CLPTM1: variants seen among roughly 807,000 people sequenced by gnomAD.
CLPTM1 encodes the protein putative lipid scramblase CLPTM1.
In CLPTM1, 21 loss-of-function variants were observed where a neutral mutation model predicts 77.3. The observed-to-expected ratio is 0.27, with a 90% CI of 0.19 to 0.39. CLPTM1 has a LOEUF of 0.39. Among genes scored for constraint, CLPTM1 ranks in the 10% least tolerant of loss-of-function variants. The probability of loss-of-function intolerance (pLI) is 1.00; values close to 1 mark genes in which losing one functional copy is unlikely to be tolerated. For synonymous variants in CLPTM1, 373 were observed against 381.0 expected (o/e 0.98, Z 0.24); for missense variants, 642 against 921.2 (o/e 0.70, Z 3.92).
At chr19:44,959,585 C>T (rs925736189) in intron 1 of CLPTM1, among the ~76,000 whole-genome samples, 1 of 152,178 alleles carries the variant, frequency 6.6e-6, no homozygotes, top group African/African-American at 2.4e-5. Context: ...AACTCCTGGG[C>T]TCAAGCAGTC....
At chr19:44,973,309 G>A in intron 3 of CLPTM1, 99 bp downstream of exon 3, 1 of 1,527,038 alleles carries the variant, frequency 6.5e-7, no homozygotes, top group Admixed American at 2.0e-5. Flanking sequence ...CCAGGTCCTT[G>A]CTCACTGGCA....
chr19:44,962,054 T>C lies in CLPTM1; in HGVS notation c.164T>C (p.Val55Ala). 1 of 1,609,160 alleles carries C rather than the reference T, an allele frequency of 6.2e-7. No individual in the cohort carries two copies. The highest frequency in any genetic ancestry group is 1.7e-4 in the Middle Eastern group (1 of 6,040). Reference sequence around the variant, plus strand: ...CAGCCGGCACCCAATGCCTGGCAGGTCATCAAAGGTGTGCTGTTTAGGTGA... The same window carrying C: ...CAGCCGGCACCCAATGCCTGGCAGGCCATCAAAGGTGTGCTGTTTAGGTGA... ...PAQPAPNAWQ[V>A]IKGVLFRIFI... The change falls in exon 2 of 14, where the codon GTC (valine) becomes GCC (alanine). Residue 55 changes from valine (V) to alanine (A), a missense_variant. This residue lies in a region of CLPTM1 where 121 missense variants were observed against 120.8 expected (regional missense o/e 1.00). Transcript: ENST00000337392.
Position 44,991,089 on chromosome 19 carries a change from CT to C in CLPTM1, c.1419+146del, listed in dbSNP as rs202132596. 4.0e-6 allele frequency: 5 copies of C among 1,247,630 alleles called. No individual in the cohort carries two copies. The highest frequency in any genetic ancestry group is 3.4e-5 in the African/African-American group (1 of 29,258). 77.3% of individuals were successfully genotyped at this position (1,247,630 alleles called of 1,614,324 possible). ...CTGTGTCCCCCATCTGCCATAACTG[CT>C]TCCCTGGGCGAGTCCGGAGTCCCCA... On this transcript the variant is annotated intron_variant, in intron 11 of 13. Transcript: ENST00000337392. This position sits in a 1 kb window ranked among gnomAD's most constrained non-coding sequence, Gnocchi z 5.4.
chr19:44,984,242 T>G (rs993388684), intron 5 of CLPTM1: 1 of 152,260 alleles, frequency 6.6e-6, no homozygotes, highest in Admixed American at 6.5e-5. Flanking sequence ...TCACCGAGCC[T>G]GTGCAGGCGC....
rs1240307904 is a variant in CLPTM1 at position 44,991,915 on chromosome 19, A to AG, written c.1556-317dup. Among the ~76,000 whole-genome samples the AG allele has an allele frequency of 2.7e-5, 4 of 150,584 alleles. No homozygotes were observed. Among genetic ancestry groups the AG allele is most frequent in the African/African-American group, 9.7e-5 (4 of 41,274 alleles). On this transcript the variant is annotated intron_variant, in intron 12 of 13. Coordinates refer to ENST00000337392, the MANE Select transcript of CLPTM1 (RefSeq NM_001294.4). This position sits in a 1 kb window ranked among gnomAD's most constrained non-coding sequence, Gnocchi z 5.4. ...GTGAGACCCTGTCTCAAAAAACAAA[A>AG]GACCGGGTGAATCACAGCCAATAGT...
At chr19:44,963,988 G>A (rs1240601019) in intron 2 of CLPTM1, among the ~76,000 whole-genome samples, 1 of 147,594 alleles carries the variant, frequency 6.8e-6, no homozygotes, top group Non-Finnish European at 1.5e-5. Context: ...GGCTGGTCTC[G>A]AACTCCTGAC....
At position 44,987,260 on chromosome 19, in the gene CLPTM1, A is replaced by G; in HGVS notation, c.875A>G (p.Tyr292Cys). ...NDYWNLQKDY[Y>C]PINESLASLP... Reference sequence around the variant, plus strand: ...TACTGGAACCTGCAGAAGGACTACTACCCCATCAACGAGAGCCTGGCCAGC... The same window carrying G: ...TACTGGAACCTGCAGAAGGACTACTGCCCCATCAACGAGAGCCTGGCCAGC... The change falls in exon 8 of 14, where the codon TAC (tyrosine) becomes TGC (cysteine). Residue 292 changes from tyrosine to cysteine, a missense_variant. By Grantham distance (194) the Tyr-to-Cys change is radical. Around this residue, in one of 2 missense-constraint regions of CLPTM1, gnomAD observed 521 missense variants for 800.4 expected, o/e 0.65. Transcript: ENST00000337392. The G allele has an allele frequency of 6.2e-7, 1 of 1,613,990 alleles. No individual in the cohort carries two copies. Among genetic ancestry groups the G allele is most frequent in the Non-Finnish European group, 8.5e-7 (1 of 1,179,998 alleles).
Position 44,969,194 on chromosome 19 carries a change from G to A in CLPTM1, c.186-3893G>A, listed in dbSNP as rs114131861. Among the ~76,000 whole-genome samples the A allele has an allele frequency of 4.4e-3, 677 of 152,220 alleles. 6 individuals are homozygous for A. The highest frequency in any genetic ancestry group is 0.015 in the African/African-American group (641 of 41,514). On this transcript the variant is annotated intron_variant, in intron 2 of 13. Coordinates refer to ENST00000337392, the MANE Select transcript of CLPTM1 (RefSeq NM_001294.4). ...GTGCGTGTGTCAGATGTATATACAC[G>A]CTATATAAACATATATATAATTTAA... is the stretch of plus-strand genomic sequence containing the variant.
intron 2 of CLPTM1, among the ~76,000 whole-genome samples, chr19:44,971,247 T>C (rs1407870226): frequency 2.6e-5 from 4 of 151,550 alleles, no homozygotes; most frequent in Non-Finnish European, 2.9e-5. Flanking sequence ...ATATGTAAAC[T>C]TGATAAAAAT....
chr19:44,991,521 C>T lies in CLPTM1; in HGVS notation c.1555+148C>T. 1 of 888,760 alleles carries T rather than the reference C, an allele frequency of 1.1e-6. No individual in the cohort carries two copies. The highest frequency in any genetic ancestry group is 1.7e-6 in the Non-Finnish European group (1 of 585,598). 55.1% of individuals were successfully genotyped at this position (888,760 alleles called of 1,614,324 possible). A position where few individuals can be genotyped will look rare whatever the true frequency, so the allele number is the denominator to read the frequency against. Reference sequence around the variant, plus strand: ...AGGGAGGCCCGAGGGCACACATGGCCCCATCTGGGGTCAGAGAGGACTTCA... The same window carrying T: ...AGGGAGGCCCGAGGGCACACATGGCTCCATCTGGGGTCAGAGAGGACTTCA... On this transcript the variant is annotated intron_variant, in intron 12 of 13. Coordinates refer to ENST00000337392, the MANE Select transcript of CLPTM1 (RefSeq NM_001294.4). The surrounding 1 kb of genome is among the most constrained non-coding windows in gnomAD (Gnocchi z 5.4).
intron 1 of CLPTM1, chr19:44,955,696 A>G: frequency 2.5e-6 from 1 of 395,636 alleles, no homozygotes; most frequent in East Asian, 3.7e-5. Context: ...GGCGGCCACC[A>G]GGCTCATTGC....
Position 44,987,856 on chromosome 19 carries a change from C to T in CLPTM1, c.1039-224C>T, listed in dbSNP as rs1971006427. On this transcript the variant is annotated intron_variant, in intron 8 of 13. Transcript: ENST00000337392. ...CCCTTCACCCACTCCCCGCAGCACTCCCTTGGCCTCTGCCTCTTCCCCTAG... is the reference window on the plus strand; with the variant it reads ...CCCTTCACCCACTCCCCGCAGCACTTCCTTGGCCTCTGCCTCTTCCCCTAG... The T allele has an allele frequency of 5.0e-6, 3 of 598,988 alleles. No individual in the cohort carries two copies. In the Admixed American group the frequency reaches 8.7e-5, roughly 17 times the overall value. 37.1% of individuals were successfully genotyped at this position (598,988 alleles called of 1,614,324 possible).
intron 2 of CLPTM1, among the ~76,000 whole-genome samples, chr19:44,963,042 C>CA (rs143885749): frequency 0.28 from 42,403 of 148,920 alleles, 6,316 homozygotes; most frequent in East Asian, 0.47. Context: ...ATAAAAAATA[C>CA]AAAAAAAATA....
In CLPTM1 at chr19:44,990,595, G is replaced by A; in HGVS notation, c.1323+10G>A. On this transcript the variant is annotated intron_variant, in intron 10 of 13. Transcript: ENST00000337392. The surrounding 1 kb of genome is among the most constrained non-coding windows in gnomAD (Gnocchi z 4.8). ...GGTCATGGACGTCCGGGTAAGGCTG[G>A]GGCGCCATGCTGTCTCGGGAGCTGC... is the stretch of plus-strand genomic sequence containing the variant. 2 of 1,612,032 alleles carry A rather than the reference G, an allele frequency of 1.2e-6. No homozygotes were observed. The highest frequency in any genetic ancestry group is 1.7e-6 in the Non-Finnish European group (2 of 1,178,600).
In CLPTM1 at chr19:44,974,522, T is replaced by C. The variant is rs749702520; in HGVS notation, c.393T>C (p.Leu131=). Residue 131 remains leucine, a synonymous_variant, in exon 4 of 14, where the codon CTT becomes CTC. Transcript: ENST00000337392. ...TSALFWEQHD[L]VYGDWTSGEN... ...CACTCTTCTGGGAACAGCACGATCT[T>C]GTGTATGGCGACTGGACTAGCGGCG... The C allele has an allele frequency of 6.2e-7, 1 of 1,614,148 alleles. No individual in the cohort carries two copies. The highest frequency in any genetic ancestry group is 1.7e-5 in the Admixed American group (1 of 60,010).
At chr19:44,973,253 G>A (rs1161003443) in intron 3 of CLPTM1, 43 bp downstream of exon 3, 3 of 1,612,884 alleles carry the variant, frequency 1.9e-6, no homozygotes, top group South Asian at 2.2e-5. Flanking sequence ...GTGATGGGGT[G>A]TGGAGGGGTG....
Position 44,990,117 on chromosome 19 carries a change from C to T in CLPTM1, c.1133-278C>T. The T allele has an allele frequency of 2.2e-6, 1 of 462,094 alleles. No homozygotes were observed. The highest frequency in any genetic ancestry group is 1.9e-5 in the African/African-American group (1 of 51,422). 28.6% of individuals were successfully genotyped at this position (462,094 alleles called of 1,614,324 possible). A position where few individuals can be genotyped will look rare whatever the true frequency, so the allele number is the denominator to read the frequency against. On this transcript the variant is annotated intron_variant, in intron 9 of 13. Transcript: ENST00000337392. This position sits in a 1 kb window ranked among gnomAD's most constrained non-coding sequence, Gnocchi z 4.8. ...CACGTGGTGAGCCCTGTCCATGGCACCAGTCACCGTCACCATCAGTCAAGG... is the reference window on the plus strand; with the variant it reads ...CACGTGGTGAGCCCTGTCCATGGCATCAGTCACCGTCACCATCAGTCAAGG...
At chr19:44,978,667 A>G (rs1269261543) in intron 5 of CLPTM1, among the ~76,000 whole-genome samples, 1 of 152,116 alleles carries the variant, frequency 6.6e-6, no homozygotes, top group African/African-American at 2.4e-5. Flanking sequence ...TAAGACTACC[A>G]CTTCTACTCC....
chr19:44,988,012 C>A, intron 8 of CLPTM1, 68 bp from the exon 9 acceptor site: 1 of 1,260,142 alleles, frequency 7.9e-7, no homozygotes. Flanking sequence ...AGGGGCAGCC[C>A]TCGGGACAAA....
Sources: allele counts gnomAD v4.1 joint callset (sites outside exome capture counted in the v4.1 genomes callset), GRCh38; gene constraint gnomAD v4.1.1; regional missense constraint gnomAD v4.1.1; non-coding constraint Gnocchi (gnomAD v3.1); transcripts MANE v1.5; gene names NCBI Gene and HGNC (gene_info 2026-07-23, HGNC 2026-07-21).